The following SNTG1 variants were observed in gnomAD, a reference collection of about 807,000 sequenced individuals.
SNTG1 encodes gamma-1-syntrophin.
Under a neutral mutation model 74.7 loss-of-function variants are expected in SNTG1, and 39 were observed. The observed-to-expected ratio is 0.52, with a 90% confidence interval of 0.40 to 0.68. The LOEUF (loss-of-function observed/expected upper bound fraction) is 0.68. Among genes scored for constraint, SNTG1 ranks in the 30% least tolerant of loss-of-function variants. The pLI is 0.00. For missense variants in SNTG1, 685 were observed against 609.5 expected, an observed-to-expected ratio of 1.12 and a Z score of -1.30; for synonymous variants, 254 against 217.1, an observed-to-expected ratio of 1.17 and a Z score of -1.49.
intron 18 of SNTG1, among the ~76,000 whole-genome samples, chr8:50,784,786 G>T (rs1220032570): frequency 2.6e-5 from 4 of 152,074 alleles, no homozygotes; most frequent in Non-Finnish European, 5.9e-5. Context: ...TAATATCTAA[G>T]ATCACTTGTA....
At chr8:50,507,843 C>A (rs1193719416) in intron 9 of SNTG1, among the ~76,000 whole-genome samples, 2 of 151,676 alleles carry the variant, frequency 1.3e-5, no homozygotes, top group African/African-American at 2.4e-5. Flanking sequence ...CCTCCCCACA[C>A]CCCCAAACAA....
At chr8:50,689,846 T>C (rs1176607066) in intron 15 of SNTG1, among the ~76,000 whole-genome samples, 1 of 152,224 alleles carries the variant, frequency 6.6e-6, no homozygotes, top group Non-Finnish European at 1.5e-5. Context: ...TTTGTACCTC[T>C]GGTAGAATAC....
intron 1 of SNTG1, among the ~76,000 whole-genome samples, chr8:50,144,077 A>G (rs2081770446): frequency 6.6e-6 from 1 of 152,160 alleles, no homozygotes; most frequent in South Asian, 2.1e-4. Flanking sequence ...GCAGTCACAC[A>G]CATTCACTTC....
In SNTG1 at chr8:50,659,878, T is replaced by G. The variant is rs188828760; in HGVS notation, c.1038+1215T>G. Among the ~76,000 whole-genome samples the G allele has an allele frequency of 1.6e-3, 241 of 152,282 alleles. 2 individuals are homozygous for G. Among genetic ancestry groups the G allele is most frequent in the Middle Eastern group, 0.01 (3 of 294 alleles). ...TTTTGGAGATGGAGTCTTGCTCTGT[T>G]GCTTAGGCTGGAGTGCAGTGGTGTG... On this transcript the variant is annotated intron_variant, in intron 15 of 18. Coordinates refer to ENST00000642720, the MANE Select transcript of SNTG1 (RefSeq NM_018967.5).
Position 50,711,771 on chromosome 8 carries a change from T to C in SNTG1, c.1284+2793T>C, listed in dbSNP as rs548739681. ...TACTTACATTTACATTAGTAGCATA[T>C]CAAGAGGTGATACATTCTTCAGTTC... On this transcript the variant is annotated intron_variant, in intron 17 of 18. Transcript: ENST00000642720. 2.6e-5 allele frequency among the ~76,000 whole-genome samples: 4 copies of C among 152,286 alleles called. No homozygotes were observed. In the South Asian group the frequency reaches 8.3e-4, roughly 32 times the overall value.
At chr8:50,708,339 C>A (rs2095451019) in intron 16 of SNTG1, 1 of 153,478 alleles carries the variant, frequency 6.5e-6, no homozygotes, top group Non-Finnish European at 1.4e-5. Context: ...GTAGGAATAT[C>A]TCGTGCAATA....
chr8:50,274,084 T>C (rs2087942518), intron 2 of SNTG1, among the ~76,000 whole-genome samples: 1 of 152,040 alleles, frequency 6.6e-6, no homozygotes, highest in Non-Finnish European at 1.5e-5. Flanking sequence ...CAGTTTTTGT[T>C]GTTGTTGTTG....
intron 8 of SNTG1, among the ~76,000 whole-genome samples, chr8:50,470,169 T>C (rs942220697): frequency 2.6e-5 from 4 of 152,200 alleles, no homozygotes; most frequent in Non-Finnish European, 5.9e-5. Context: ...AATTCCCCCA[T>C]TAAGTTCTCT....
chr8:50,420,427 A>C (rs2093067863), intron 4 of SNTG1, among the ~76,000 whole-genome samples: 1 of 152,136 alleles, frequency 6.6e-6, no homozygotes, highest in South Asian at 2.1e-4. Context: ...TATCTGTGAA[A>C]CACATCCTCC....
chr8:50,685,696 T>C (rs1370043658), intron 15 of SNTG1, among the ~76,000 whole-genome samples: 1 of 152,164 alleles, frequency 6.6e-6, no homozygotes, highest in Non-Finnish European at 1.5e-5. Flanking sequence ...GAGATCAGTA[T>C]TTGTATTTAT....
chr8:50,489,978 T>A (rs1163865210), intron 8 of SNTG1, among the ~76,000 whole-genome samples: 1 of 152,214 alleles, frequency 6.6e-6, no homozygotes, highest in Non-Finnish European at 1.5e-5. Context: ...AGTTTCAGTG[T>A]CCTGCATGTG....
chr8:50,448,816 C>A (rs28529521), intron 5 of SNTG1, among the ~76,000 whole-genome samples: 13,695 of 151,984 alleles, frequency 0.09, 1,909 homozygotes, highest in African/African-American at 0.3. Flanking sequence ...AGTTGGATCA[C>A]GAGGTCAGGA....
At chr8:50,017,229 G>A (rs1025594632) in intron 1 of SNTG1, among the ~76,000 whole-genome samples, 1 of 151,814 alleles carries the variant, frequency 6.6e-6, no homozygotes, top group African/African-American at 2.4e-5. Flanking sequence ...AAATACAATT[G>A]TATAAGCAAT....
chr8:50,401,305 TAA>T (rs1320513484), intron 3 of SNTG1, among the ~76,000 whole-genome samples: 1 of 152,198 alleles, frequency 6.6e-6, no homozygotes, highest in African/African-American at 2.4e-5. Flanking sequence ...GTGGGAATGT[TAA>T]GTGCACTTTC....
At chr8:50,558,097 A>AT (rs2094466897) in intron 12 of SNTG1, among the ~76,000 whole-genome samples, 2 of 152,106 alleles carry the variant, frequency 1.3e-5, no homozygotes, top group Admixed American at 1.3e-4. Flanking sequence ...ACATTTCCTC[A>AT]TGACTGGAGA....
chr8:50,069,787 T>C lies in SNTG1; in HGVS notation c.-102-102774T>C, dbSNP rs1002158733. Among the ~76,000 whole-genome samples, 3 of 151,970 alleles carry C rather than the reference T, an allele frequency of 2.0e-5. No homozygotes were observed. In the Middle Eastern group the frequency reaches 0.01, roughly 517 times the overall value. ...TCCTGCCCTGCTACTTGCTCTGCTC[T>C]CAGCTTGCTGCACAATCCCCCACCC... On this transcript the variant is annotated intron_variant, in intron 1 of 18. Transcript: ENST00000642720.
chr8:50,638,753 G>T (rs1388881628), intron 13 of SNTG1, among the ~76,000 whole-genome samples: 1 of 152,070 alleles, frequency 6.6e-6, no homozygotes, highest in African/African-American at 2.4e-5. Context: ...ACCCTCTCAA[G>T]TTTGCCCCAT....
intron 2 of SNTG1, among the ~76,000 whole-genome samples, chr8:50,293,093 TTTGGAATTCATTATAGAA>T (rs1457902154): frequency 6.6e-6 from 1 of 151,670 alleles, no homozygotes; most frequent in African/African-American, 2.4e-5. Flanking sequence ...GCGTGTAGCC[TTTGGAATTCATTATAGAA>T]TTGGGACATC....
chr8:50,303,187 C>T (rs1315047545), intron 2 of SNTG1, among the ~76,000 whole-genome samples: 2 of 151,988 alleles, frequency 1.3e-5, no homozygotes, highest in Admixed American at 1.3e-4. Context: ...ACAATGGACT[C>T]CCTGATTATT....
Sources: allele counts gnomAD v4.1 joint callset (sites outside exome capture counted in the v4.1 genomes callset), GRCh38; gene constraint gnomAD v4.1.1; transcripts MANE v1.5; gene names NCBI Gene and HGNC (gene_info 2026-07-23, HGNC 2026-07-21).